The following RANBP17 variants were observed in gnomAD, a reference collection of about 807,000 sequenced individuals.
RANBP17 encodes ran-binding protein 17.
In RANBP17, 158 loss-of-function variants were observed where a neutral mutation model predicts 141.2. The observed-to-expected ratio is 1.12, with a 90% CI of 0.98 to 1.28. The LOEUF is 1.28. Ranked by LOEUF, RANBP17 falls within the 50% of genes most tolerant of loss-of-function variation. The pLI is 0.00. For missense variants in RANBP17, 1,438 were observed against 1,290.7 expected, an observed-to-expected ratio of 1.11 and a Z score of -1.75; for synonymous variants, 430 against 450.0, an observed-to-expected ratio of 0.96 and a Z score of 0.56.
intron 22 of RANBP17, among the ~76,000 whole-genome samples, chr5:171,232,798 A>G (rs554273978): frequency 6.6e-6 from 1 of 152,234 alleles, no homozygotes; most frequent in South Asian, 2.1e-4. Flanking sequence ...GTTAACATAT[A>G]TAAATCTACC....
At chr5:170,933,843 C>G (rs1461352630) in intron 12 of RANBP17, among the ~76,000 whole-genome samples, 1 of 152,080 alleles carries the variant, frequency 6.6e-6, no homozygotes, top group African/African-American at 2.4e-5. Context: ...ACTATGTGGT[C>G]AATTTTGGAA....
intron 14 of RANBP17, among the ~76,000 whole-genome samples, chr5:171,098,538 C>T (rs987830908): frequency 6.6e-6 from 1 of 152,038 alleles, no homozygotes; most frequent in Non-Finnish European, 1.5e-5. Context: ...TGGATATTAG[C>T]CCTTTGTCAG....
At chr5:171,240,849 AAAAATGTT>A in intron 22 of RANBP17, 71 bp from the exon 23 acceptor site, 1 of 880,920 alleles carries the variant, frequency 1.1e-6, no homozygotes, top group Non-Finnish European at 1.7e-6. Context: ...GCAGTAAAGT[AAAAATGTT>A]AAATAGTGTG....
chr5:170,899,649 GTGGGTC>G (rs1163616213), intron 5 of RANBP17, among the ~76,000 whole-genome samples: 2 of 152,156 alleles, frequency 1.3e-5, no homozygotes, highest in African/African-American at 4.8e-5. Context: ...GATATTGGCT[GTGGGTC>G]TGTCATAAAT....
chr5:171,257,034 A>G (rs552892374), intron 24 of RANBP17, among the ~76,000 whole-genome samples: 9 of 152,228 alleles, frequency 5.9e-5, no homozygotes, highest in Non-Finnish European at 1.0e-4. Context: ...AACTGTTCCA[A>G]AAAATTGAGG....
intron 21 of RANBP17, among the ~76,000 whole-genome samples, chr5:171,218,610 T>G (rs1009466909): frequency 1.3e-5 from 2 of 152,088 alleles, no homozygotes; most frequent in Non-Finnish European, 2.9e-5. Flanking sequence ...GCATGTATAT[T>G]TACGTTAGCT....
chr5:171,140,912 T>C (rs572174294), intron 14 of RANBP17, among the ~76,000 whole-genome samples: 1 of 152,324 alleles, frequency 6.6e-6, no homozygotes, highest in African/African-American at 2.4e-5. Flanking sequence ...ACACTACCTG[T>C]GTCTTACTCC....
At chr5:171,021,164 T>C (rs1469019125) in intron 14 of RANBP17, among the ~76,000 whole-genome samples, 1 of 152,200 alleles carries the variant, frequency 6.6e-6, no homozygotes, top group African/African-American at 2.4e-5. Context: ...GGGCTTCCCT[T>C]TGTAAGTAAC....
Position 171,108,525 on chromosome 5 carries a change from A to G in RANBP17, c.1711-61605A>G, listed in dbSNP as rs1332820508. Among the ~76,000 whole-genome samples the G allele has an allele frequency of 8.6e-5, 13 of 152,036 alleles. No individual in the cohort carries two copies. The East Asian group carries it at 2.3e-3, about 27-fold the overall frequency. The stretch of plus-strand genomic sequence containing the variant: ...ACTCCTCGGTTCAAGCCGTCCTCCT[A>G]CCTTACCCTCCCAAACAGCTGGGAC... On this transcript the variant is annotated intron_variant, in intron 14 of 27. Transcript: ENST00000523189.
At chr5:170,886,825 A>G (rs1769204437) in intron 3 of RANBP17, among the ~76,000 whole-genome samples, 1 of 151,216 alleles carries the variant, frequency 6.6e-6, no homozygotes, top group Admixed American at 6.6e-5. Context: ...ATGCCTGGCT[A>G]AGTTTTTGTA....
In RANBP17 at chr5:171,156,456, G is replaced by A. The variant is rs191751619; in HGVS notation, c.1711-13674G>A. On this transcript the variant is annotated intron_variant, in intron 14 of 27. Transcript: ENST00000523189. ...AAATTTTGGAGTATTTTTGTAAAGT[G>A]CAAATACATGAGTAGTTTTCTAGAA... Among the ~76,000 whole-genome samples, 236 of 152,192 alleles carry A rather than the reference G, an allele frequency of 1.6e-3. 5 individuals are homozygous for A. Among genetic ancestry groups the A allele is most frequent in the East Asian group, 9.1e-3 (47 of 5,186 alleles).
At chr5:171,169,106 A>G (rs899221439) in intron 14 of RANBP17, among the ~76,000 whole-genome samples, 3 of 152,136 alleles carry the variant, frequency 2.0e-5, no homozygotes, top group Non-Finnish European at 4.4e-5. Context: ...CTATGACCCT[A>G]TACCTCTGGG....
At chr5:171,107,542 G>C (rs894573032) in intron 14 of RANBP17, among the ~76,000 whole-genome samples, 3 of 152,084 alleles carry the variant, frequency 2.0e-5, no homozygotes, top group Admixed American at 6.5e-5. Context: ...AGGAAAAGAT[G>C]CTGATACTTT....
chr5:171,050,742 C>G (rs1359787375), intron 14 of RANBP17, among the ~76,000 whole-genome samples: 2 of 151,960 alleles, frequency 1.3e-5, no homozygotes, highest in Non-Finnish European at 2.9e-5. Flanking sequence ...AAATATCTAC[C>G]CTTTCTGTTT....
intron 14 of RANBP17, among the ~76,000 whole-genome samples, chr5:171,061,794 G>A (rs1783883730): frequency 6.6e-6 from 1 of 152,184 alleles, no homozygotes. Context: ...ATGTGTGGGA[G>A]TCTAAGTCTC....
At chr5:171,130,402 A>G (rs942399970) in intron 14 of RANBP17, among the ~76,000 whole-genome samples, 6 of 146,762 alleles carry the variant, frequency 4.1e-5, no homozygotes, top group Non-Finnish European at 9.0e-5. Flanking sequence ...CATTTTTAAA[A>G]TATGCTCAAT....
At chr5:171,017,470 A>G (rs888721796) in intron 14 of RANBP17, among the ~76,000 whole-genome samples, 2 of 152,008 alleles carry the variant, frequency 1.3e-5, no homozygotes, top group African/African-American at 4.8e-5. Flanking sequence ...ATGGTATCTC[A>G]TTGTAGATTT....
At chr5:171,212,636 A>T (rs1028585173) in intron 20 of RANBP17, among the ~76,000 whole-genome samples, 9 of 152,188 alleles carry the variant, frequency 5.9e-5, no homozygotes, top group African/African-American at 2.2e-4. Flanking sequence ...CTCACCATGG[A>T]GATTTCTACC....
intron 16 of RANBP17, among the ~76,000 whole-genome samples, chr5:171,179,758 G>T (rs1356833027): frequency 6.6e-6 from 1 of 151,916 alleles, no homozygotes; most frequent in African/African-American, 2.4e-5. Context: ...TATTATAGTG[G>T]TTTTTTTGTT....
Sources: gnomAD v4.1 joint callset for allele counts (sites outside exome capture counted in the v4.1 genomes callset) on GRCh38, gnomAD v4.1.1 for gene constraint, MANE v1.5 for transcripts, NCBI Gene and HGNC (gene_info 2026-07-23, HGNC 2026-07-21) for gene names.